The following PDZD2 variants were observed in gnomAD, a reference collection of about 807,000 sequenced individuals.
PDZD2 encodes PDZ domain-containing protein 2.
In PDZD2, 90 loss-of-function variants were observed where a neutral mutation model predicts 220.7. That is an observed-to-expected ratio of 0.41 (90% CI 0.34 to 0.49). The LOEUF (loss-of-function observed/expected upper bound fraction) is 0.49, where lower values mean the gene tolerates loss of function less well. Ranked by LOEUF, PDZD2 falls within the 20% of genes least tolerant of loss-of-function variation. The pLI is 0.28. For missense variants in PDZD2, 3,174 were observed against 3,608.5 expected (o/e 0.88, Z 3.08); for synonymous variants, 1,375 against 1,450.5 (o/e 0.95, Z 1.18).
At chr5:32,002,522 G>C (rs557806961) in intron 5 of PDZD2, among the ~76,000 whole-genome samples, 1 of 151,986 alleles carries the variant, frequency 6.6e-6, no homozygotes, top group South Asian at 2.1e-4. Context: ...CTAGTTCATT[G>C]TTTTGCCAGA....
chr5:31,900,219 A>T lies in PDZD2; in HGVS notation c.477-82936A>T, dbSNP rs575487227. Among the ~76,000 whole-genome samples the T allele has an allele frequency of 4.6e-5, 7 of 152,230 alleles. No homozygotes were observed. In the South Asian group the frequency reaches 1.5e-3, roughly 32 times the overall value. ...CTTCTCTCAGTTGGAGATTCCAGGG[A>T]GGTGTAGGTAGCGCTGTGTACCAGC... On this transcript the variant is annotated intron_variant, in intron 2 of 24. Transcript: ENST00000438447.
chr5:31,662,676 A>C lies in PDZD2; in HGVS notation c.-361+23239A>C, dbSNP rs543396661. 2.3e-3 allele frequency among the ~76,000 whole-genome samples: 351 copies of C among 152,194 alleles called. 1 individual carries two copies. The highest frequency in any genetic ancestry group is 3.5e-3 in the South Asian group (17 of 4,818). On this transcript the variant is annotated intron_variant, in intron 1 of 24. Transcript: ENST00000438447. ...ACGGAGTCTGGCTCTGTAGCCCAGGATGGAGTGCAGTGGCGCAATCTCAGC... is the reference window on the plus strand; with the variant it reads ...ACGGAGTCTGGCTCTGTAGCCCAGGCTGGAGTGCAGTGGCGCAATCTCAGC...
At chr5:31,685,145 C>T (rs1226237922) in intron 1 of PDZD2, among the ~76,000 whole-genome samples, 3 of 152,092 alleles carry the variant, frequency 2.0e-5, no homozygotes, top group Non-Finnish European at 2.9e-5. Context: ...TAAGAGCAGG[C>T]GTTCTCTGCC....
At chr5:31,903,368 C>T (rs992160226) in intron 2 of PDZD2, among the ~76,000 whole-genome samples, 3 of 151,454 alleles carry the variant, frequency 2.0e-5, no homozygotes, top group Non-Finnish European at 4.4e-5. Flanking sequence ...TAGGAAAGGT[C>T]GGGCATGGTG....
intron 2 of PDZD2, among the ~76,000 whole-genome samples, chr5:31,886,709 T>G (rs1469279314): frequency 6.6e-6 from 1 of 151,578 alleles, no homozygotes; most frequent in Non-Finnish European, 1.5e-5. Flanking sequence ...TCTCTTTTTT[T>G]TTTTTTGAGA....
chr5:31,988,192 T>G (rs1276146480), intron 3 of PDZD2, among the ~76,000 whole-genome samples: 1 of 152,172 alleles, frequency 6.6e-6, no homozygotes, highest in African/African-American at 2.4e-5. Context: ...ACACGCACAC[T>G]GTAGCTGAAA....
Position 32,057,131 on chromosome 5 carries a change from CTG to C in PDZD2, c.1901-522_1901-521del, listed in dbSNP as rs138856910. On this transcript the variant is annotated intron_variant, in intron 10 of 24. Transcript: ENST00000438447. ...AAATTTTTTTTTAGTAAAAAAAAGA[CTG>C]TTTCTGGGCTGCCATTGCTCAGTAA... Among the ~76,000 whole-genome samples the C allele has an allele frequency of 4.2e-4, 64 of 152,184 alleles. No individual in the cohort carries two copies. The East Asian group carries it at 0.012, about 28-fold the overall frequency.
At chr5:32,052,030 A>C (rs1738607819) in intron 8 of PDZD2, among the ~76,000 whole-genome samples, 1 of 152,222 alleles carries the variant, frequency 6.6e-6, no homozygotes, top group South Asian at 2.1e-4. Flanking sequence ...ACTCCATTCC[A>C]GATGTAGAAT....
chr5:31,951,338 A>C (rs1428174057), intron 2 of PDZD2, among the ~76,000 whole-genome samples: 1 of 152,122 alleles, frequency 6.6e-6, no homozygotes, highest in African/African-American at 2.4e-5. Context: ...AAAATAGTGG[A>C]TCTACAGGGT....
intron 1 of PDZD2, among the ~76,000 whole-genome samples, chr5:31,670,037 G>A (rs552855062): frequency 6.6e-6 from 1 of 152,294 alleles, no homozygotes; most frequent in Non-Finnish European, 1.5e-5. Context: ...AGGAGCTTAG[G>A]AAGCAGCGGG....
chr5:31,969,345 A>G (rs541486600), intron 2 of PDZD2, among the ~76,000 whole-genome samples: 6 of 151,726 alleles, frequency 4.0e-5, no homozygotes, highest in Admixed American at 6.6e-5. Flanking sequence ...TGTCTCTACC[A>G]AAAATACAAA....
At chr5:31,640,044 A>G (rs1227499234) in intron 1 of PDZD2, among the ~76,000 whole-genome samples, 1 of 142,528 alleles carries the variant, frequency 7.0e-6, no homozygotes, top group Non-Finnish European at 1.6e-5. Context: ...CTCTCTCTGA[A>G]GTCGAGTTTC....
chr5:31,898,627 A>G (rs1741789234), intron 2 of PDZD2, among the ~76,000 whole-genome samples: 1 of 152,164 alleles, frequency 6.6e-6, no homozygotes, highest in South Asian at 2.1e-4. Context: ...CTCCCCTGTC[A>G]CATGGCAAAG....
chr5:31,941,246 G>A (rs966748274), intron 2 of PDZD2, among the ~76,000 whole-genome samples: 3 of 152,192 alleles, frequency 2.0e-5, no homozygotes, highest in African/African-American at 4.8e-5. Context: ...TTTCCAAGGA[G>A]CCCCATCTTT....
intron 6 of PDZD2, among the ~76,000 whole-genome samples, chr5:32,020,360 A>C (rs971619446): frequency 2.0e-5 from 3 of 151,124 alleles, no homozygotes; most frequent in African/African-American, 7.3e-5. Context: ...ATGAAACTGA[A>C]ATAAAAATTT....
chr5:31,897,005 G>A (rs566150474), intron 2 of PDZD2, among the ~76,000 whole-genome samples: 14 of 151,446 alleles, frequency 9.2e-5, no homozygotes, highest in South Asian at 6.2e-4. Flanking sequence ...AGCTGAAAGC[G>A]CAATAAAATC....
chr5:31,875,802 C>G (rs1415841167), intron 2 of PDZD2, among the ~76,000 whole-genome samples: 1 of 151,444 alleles, frequency 6.6e-6, no homozygotes, highest in Non-Finnish European at 1.5e-5. Context: ...ATATATAGGT[C>G]AGTGTTACGG....
At chr5:31,745,575 C>T (rs1750551093) in intron 1 of PDZD2, among the ~76,000 whole-genome samples, 1 of 152,184 alleles carries the variant, frequency 6.6e-6, no homozygotes, top group African/African-American at 2.4e-5. Context: ...CACGCTCCCT[C>T]TCACCTTTCA....
In PDZD2 at chr5:32,013,224, G is replaced by A. The variant is rs183524630; in HGVS notation, c.1407+2742G>A. 6.1e-3 allele frequency among the ~76,000 whole-genome samples: 929 copies of A among 151,676 alleles called. 10 individuals carry two copies. Among genetic ancestry groups the A allele is most frequent in the Non-Finnish European group, 8.0e-3 (543 of 67,954 alleles). On this transcript the variant is annotated intron_variant, in intron 6 of 24. Coordinates refer to ENST00000438447, the MANE Select transcript of PDZD2 (RefSeq NM_178140.4). ...TAATATTCCTTAACATGAAAGTGCC[G>A]TAATTTGTTTCACCAATGTACTTCA...
Sources: gnomAD v4.1 joint callset for allele counts (sites outside exome capture counted in the v4.1 genomes callset) on GRCh38, gnomAD v4.1.1 for gene constraint, MANE v1.5 for transcripts, NCBI Gene and HGNC (gene_info 2026-07-23, HGNC 2026-07-21) for gene names.